The following RNF144A variants were observed in gnomAD, a reference collection of about 807,000 sequenced individuals.
RNF144A encodes E3 ubiquitin-protein ligase RNF144A.
A neutral mutation model predicts 38.7 loss-of-function variants in RNF144A; 11 were observed. The ratio of observed to expected loss-of-function variants is 0.28; its 90% confidence interval spans 0.18 to 0.47. The LOEUF (loss-of-function observed/expected upper bound fraction) is 0.47, where lower values mean the gene tolerates loss of function less well. RNF144A is among the 20% of genes least tolerant of loss of function. The pLI is 0.99. For missense variants in RNF144A, 316 were observed against 377.2 expected (o/e 0.84, Z 1.34); for synonymous variants, 149 against 143.9 (o/e 1.04, Z -0.25).
At chr2:6,957,885 C>T (rs1009330258) in intron 2 of RNF144A, among the ~76,000 whole-genome samples, 12 of 152,248 alleles carry the variant, frequency 7.9e-5, no homozygotes, top group Admixed American at 2.6e-4. Context: ...ACTAGCTCCC[C>T]GCCTCTCACC....
At chr2:6,937,299 C>T (rs1665655452) in intron 1 of RNF144A, among the ~76,000 whole-genome samples, 1 of 152,200 alleles carries the variant, frequency 6.6e-6, no homozygotes, top group East Asian at 1.9e-4. Context: ...AATGCGGATG[C>T]CAGTCAGCTG....
rs1246974224 is a variant in RNF144A at position 6,944,209 on chromosome 2, C to T, written c.-12+3062C>T. ...CGGGAGGAGGCCGGGCACTATGGGCCTGGGGTGATGGAGAAAGGACCTGCA... is the reference window on the plus strand; with the variant it reads ...CGGGAGGAGGCCGGGCACTATGGGCTTGGGGTGATGGAGAAAGGACCTGCA... On this transcript the variant is annotated intron_variant, in intron 2 of 8. Transcript: ENST00000320892. This position sits in a 1 kb window ranked among gnomAD's most constrained non-coding sequence, Gnocchi z 4.7. 7.2e-5 allele frequency among the ~76,000 whole-genome samples: 11 copies of T among 151,992 alleles called. No homozygotes were observed. The highest frequency in any genetic ancestry group is 2.7e-4 in the African/African-American group (11 of 41,336).
rs1672958085 is a variant in RNF144A, at chr2:7,040,130, G to A, written c.*370G>A. 2 of 1,008,568 alleles carry A rather than the reference G, an allele frequency of 2.0e-6. No homozygotes were observed. The highest frequency in any genetic ancestry group is 1.7e-5 in the African/African-American group (1 of 57,972). 62.5% of individuals were successfully genotyped at this position (1,008,568 alleles called of 1,614,324 possible). On this transcript the variant is annotated 3_prime_UTR_variant, in exon 9 of 9. Transcript: ENST00000320892. Reference sequence around the variant, plus strand: ...TAGATGGCACCATGTTGTCAGAGAAGTCTTTTAAGGACTGCCACTCTCTTC... The same window carrying A: ...TAGATGGCACCATGTTGTCAGAGAAATCTTTTAAGGACTGCCACTCTCTTC...
chr2:7,012,048 G>A (rs1417772408), intron 3 of RNF144A, among the ~76,000 whole-genome samples: 5 of 152,118 alleles, frequency 3.3e-5, no homozygotes, highest in Admixed American at 2.0e-4. Flanking sequence ...CTTAGGATGC[G>A]TCATGTTTTA....
intron 1 of RNF144A, among the ~76,000 whole-genome samples, chr2:6,935,564 G>C (rs1042810227): frequency 6.6e-6 from 1 of 152,082 alleles, no homozygotes; most frequent in Admixed American, 6.5e-5. Context: ...AATGGTAACA[G>C]CATGTAGATG....
chr2:7,028,112 G>A (rs1363567670), intron 7 of RNF144A, among the ~76,000 whole-genome samples: 1 of 152,142 alleles, frequency 6.6e-6, no homozygotes, highest in Non-Finnish European at 1.5e-5. Flanking sequence ...AGTCCCTGGC[G>A]GCCCCAAGGA....
chr2:6,949,592 G>A (rs1027362733), intron 2 of RNF144A, among the ~76,000 whole-genome samples: 2 of 152,094 alleles, frequency 1.3e-5, no homozygotes, highest in Admixed American at 6.5e-5. Context: ...CTTTAGCACC[G>A]AGCTGAGTCT....
intron 2 of RNF144A, among the ~76,000 whole-genome samples, chr2:6,953,637 T>C (rs1025426971): frequency 1.3e-5 from 2 of 152,212 alleles, no homozygotes; most frequent in African/African-American, 2.4e-5. Flanking sequence ...TCAGAACACA[T>C]GGTCTGCTGA....
intron 2 of RNF144A, among the ~76,000 whole-genome samples, chr2:6,970,520 C>T (rs540361611): frequency 1.2e-4 from 19 of 152,316 alleles, no homozygotes; most frequent in Admixed American, 2.6e-4. Flanking sequence ...GAATACACGT[C>T]CCATCCCCAA....
intron 2 of RNF144A, among the ~76,000 whole-genome samples, chr2:6,976,250 A>AG (rs1668306362): frequency 2.0e-5 from 3 of 152,342 alleles, no homozygotes; most frequent in South Asian, 4.1e-4. Flanking sequence ...TGGTTGACCT[A>AG]CAGCCTCCCC....
At chr2:6,922,837 G>A (rs962889146) in intron 1 of RNF144A, among the ~76,000 whole-genome samples, 1 of 152,150 alleles carries the variant, frequency 6.6e-6, no homozygotes, top group Non-Finnish European at 1.5e-5. Context: ...TGTTAGCCAG[G>A]ATGGTGTTGA....
intron 2 of RNF144A, among the ~76,000 whole-genome samples, chr2:6,955,697 G>A (rs1175733157): frequency 6.6e-6 from 1 of 152,142 alleles, no homozygotes; most frequent in Non-Finnish European, 1.5e-5. Context: ...CTAGCACCGT[G>A]CCTGCTCCTG....
chr2:7,002,510 C>T (rs1670175109), intron 3 of RNF144A, among the ~76,000 whole-genome samples: 1 of 152,100 alleles, frequency 6.6e-6, no homozygotes, highest in Non-Finnish European at 1.5e-5. Flanking sequence ...CGGATAGAGC[C>T]ACCATGGTGG....
At chr2:6,930,854 A>C (rs1453053556) in intron 1 of RNF144A, among the ~76,000 whole-genome samples, 1 of 152,148 alleles carries the variant, frequency 6.6e-6, no homozygotes, top group East Asian at 1.9e-4. Flanking sequence ...TCGGCCTCCC[A>C]AAGTGCTTGG....
chr2:7,028,533 G>A (rs1672074726), intron 7 of RNF144A, among the ~76,000 whole-genome samples: 1 of 152,214 alleles, frequency 6.6e-6, no homozygotes, highest in South Asian at 2.1e-4. Context: ...CTTCTCAACT[G>A]GGTAGTACAC....
intron 2 of RNF144A, among the ~76,000 whole-genome samples, chr2:6,964,442 C>G (rs1383725580): frequency 1.3e-5 from 2 of 152,194 alleles, no homozygotes; most frequent in African/African-American, 4.8e-5. Context: ...ACTAGAAATA[C>G]CATTTGACCC....
rs566989642 is a variant in RNF144A, at chr2:7,016,610, CAA to C, written c.301+1840_301+1841del. Among the ~76,000 whole-genome samples, 8 of 60,960 alleles carry C rather than the reference CAA, an allele frequency of 1.3e-4. No individual in the cohort carries two copies. The South Asian group carries it at 5.6e-3, about 43-fold the overall frequency. The allele number at this position is 60,960 out of a possible 152,430, so 40.0% of individuals were successfully genotyped here. On this transcript the variant is annotated intron_variant, in intron 5 of 8. Coordinates refer to ENST00000320892, the MANE Select transcript of RNF144A (RefSeq NM_014746.6). The stretch of plus-strand genomic sequence containing the variant: ...TAAAGCATTTTACTAACATTATGTT[CAA>C]AGTTTTTTTTTTTTTAAGTATTCAG...
At chr2:6,974,258 C>G (rs1668170806) in intron 2 of RNF144A, among the ~76,000 whole-genome samples, 1 of 152,178 alleles carries the variant, frequency 6.6e-6, no homozygotes, top group African/African-American at 2.4e-5. Flanking sequence ...GCCTTATGAC[C>G]ATCGTGCCAC....
intron 2 of RNF144A, among the ~76,000 whole-genome samples, chr2:6,990,243 T>C (rs955506134): frequency 6.6e-6 from 1 of 152,076 alleles, no homozygotes; most frequent in African/African-American, 2.4e-5. Context: ...CTTCTTGCTG[T>C]GTCCTCACAT....
Sources: gnomAD v4.1 joint callset for allele counts (sites outside exome capture counted in the v4.1 genomes callset) on GRCh38, gnomAD v4.1.1 for gene constraint, Gnocchi (gnomAD v3.1) non-coding constraint, MANE v1.5 for transcripts, NCBI Gene and HGNC (gene_info 2026-07-23, HGNC 2026-07-21) for gene names.